TTC28: variants seen among roughly 807,000 people sequenced by gnomAD.
TTC28 encodes tetratricopeptide repeat domain 28.
A neutral mutation model predicts 198.0 loss-of-function variants in TTC28; 61 were observed. The ratio of observed to expected loss-of-function variants is 0.31; its 90% CI spans 0.25 to 0.38. TTC28 has a LOEUF of 0.38. Ranked by LOEUF, TTC28 falls within the 10% of genes least tolerant of loss-of-function variation. The pLI is 1.00. For synonymous variants in TTC28, 1,171 were observed against 1,297.8 expected, an observed-to-expected ratio of 0.90 and a Z score of 2.10; for missense variants, 2,678 against 3,164.0, an observed-to-expected ratio of 0.85 and a Z score of 3.69.
intron 5 of TTC28, among the ~76,000 whole-genome samples, chr22:28,166,675 G>T (rs1370378640): frequency 1.3e-5 from 2 of 152,202 alleles, no homozygotes; most frequent in Non-Finnish European, 2.9e-5. Context: ...TTAAAGCAGT[G>T]TGAAGAGGGA....
At chr22:28,431,665 T>G (rs570327245) in intron 2 of TTC28, among the ~76,000 whole-genome samples, 1 of 152,288 alleles carries the variant, frequency 6.6e-6, no homozygotes, top group South Asian at 2.1e-4. Flanking sequence ...TTTCATCTTG[T>G]TTCAATCAAT....
chr22:28,103,946 T>C (rs1261704923), intron 8 of TTC28, among the ~76,000 whole-genome samples: 1 of 152,182 alleles, frequency 6.6e-6, no homozygotes, highest in Non-Finnish European at 1.5e-5. Flanking sequence ...GAAGCCAACA[T>C]TCTCATTTAA....
intron 2 of TTC28, among the ~76,000 whole-genome samples, chr22:28,442,307 C>T (rs1292714798): frequency 1.3e-5 from 2 of 152,222 alleles, no homozygotes; most frequent in African/African-American, 2.4e-5. Context: ...TCAGGAGCCC[C>T]GCAGGCTGAA....
At chr22:28,349,655 A>G (rs1052723030) in intron 2 of TTC28, among the ~76,000 whole-genome samples, 2 of 152,216 alleles carry the variant, frequency 1.3e-5, no homozygotes, top group Admixed American at 6.5e-5. Flanking sequence ...TACACAAAAT[A>G]GAAATAATCC....
intron 2 of TTC28, among the ~76,000 whole-genome samples, chr22:28,327,251 CTAAT>C (rs2045547518): frequency 1.3e-5 from 2 of 152,050 alleles, no homozygotes. Flanking sequence ...GTACATTCAC[CTAAT>C]TATTAAAATG....
At chr22:28,639,719 TC>T (rs2051332415) in intron 1 of TTC28, among the ~76,000 whole-genome samples, 1 of 152,206 alleles carries the variant, frequency 6.6e-6, no homozygotes, top group East Asian at 1.9e-4. Flanking sequence ...TTGTGAGGAC[TC>T]CACAGCCAGG....
At chr22:28,158,177 A>C (rs1207002827) in intron 6 of TTC28, among the ~76,000 whole-genome samples, 1 of 152,174 alleles carries the variant, frequency 6.6e-6, no homozygotes, top group Non-Finnish European at 1.5e-5. Context: ...GCCATACATA[A>C]AATTAAATGC....
At chr22:28,024,212 G>A (rs1050609947) in intron 13 of TTC28, among the ~76,000 whole-genome samples, 3 of 152,100 alleles carry the variant, frequency 2.0e-5, no homozygotes, top group Non-Finnish European at 4.4e-5. Flanking sequence ...CTCCCTACCC[G>A]CAGATAAAGC....
intron 6 of TTC28, among the ~76,000 whole-genome samples, 160 bp from the exon 7 acceptor site, chr22:28,108,563 C>T (rs1308932684): frequency 6.6e-6 from 1 of 152,176 alleles, no homozygotes; most frequent in African/African-American, 2.4e-5. Context: ...CAGCTCTCCA[C>T]AGAGAGGATA....
intron 6 of TTC28, among the ~76,000 whole-genome samples, chr22:28,130,336 C>T (rs1197725710): frequency 6.6e-6 from 1 of 152,198 alleles, no homozygotes; most frequent in Non-Finnish European, 1.5e-5. Context: ...TCATTACAGT[C>T]TCTCGGGAGC....
At chr22:28,238,992 C>G (rs1239560662) in intron 5 of TTC28, among the ~76,000 whole-genome samples, 1 of 152,150 alleles carries the variant, frequency 6.6e-6, no homozygotes, top group East Asian at 1.9e-4. Flanking sequence ...ACGACATGAC[C>G]TGCAAAGTAT....
chr22:28,606,907 A>G (rs902825081), intron 2 of TTC28, among the ~76,000 whole-genome samples: 1 of 152,202 alleles, frequency 6.6e-6, no homozygotes, highest in Non-Finnish European at 1.5e-5. Flanking sequence ...TGGTGGTGAC[A>G]GGTAGCTACT....
In TTC28 at chr22:28,217,959, G is replaced by T. The variant is rs191767899; in HGVS notation, c.934-54360C>A. 3.4e-4 allele frequency among the ~76,000 whole-genome samples: 52 copies of T among 152,188 alleles called. No homozygotes were observed. In the East Asian group the frequency reaches 8.7e-3, roughly 25 times the overall value. Reference sequence around the variant, plus strand: ...GTTTTTGCTTAATAGAAGACAACTGGATTTTCTTATCTGCTTCTGCATTTA... The same window carrying T: ...GTTTTTGCTTAATAGAAGACAACTGTATTTTCTTATCTGCTTCTGCATTTA... On this transcript the variant is annotated intron_variant, in intron 5 of 22. Coordinates refer to ENST00000397906, the MANE Select transcript of TTC28 (RefSeq NM_001145418.2).
chr22:28,384,256 G>T (rs913081417), intron 2 of TTC28, among the ~76,000 whole-genome samples: 2 of 151,794 alleles, frequency 1.3e-5, no homozygotes, highest in African/African-American at 2.4e-5. Context: ...TTGTTAGTTG[G>T]TTTTTTGTTT....
chr22:28,093,967 C>T (rs1298612469), intron 12 of TTC28, 113 bp downstream of exon 12: 3 of 1,138,266 alleles, frequency 2.6e-6, no homozygotes, highest in South Asian at 1.7e-5. Flanking sequence ...ACAGACTGAG[C>T]GCAACTACAT....
chr22:27,998,511 C>T, intron 16 of TTC28, 29 bp downstream of exon 16: 1 of 1,533,060 alleles, frequency 6.5e-7, no homozygotes, highest in Non-Finnish European at 8.8e-7. Flanking sequence ...CAGGCCTTGA[C>T]AGGCACCCGC....
At chr22:28,522,767 G>A (rs191124441) in intron 2 of TTC28, among the ~76,000 whole-genome samples, 473 of 152,148 alleles carry the variant, frequency 3.1e-3, no homozygotes, top group Non-Finnish European at 5.1e-3. Flanking sequence ...AAAAAACCAG[G>A]TACAAAAGCC....
chr22:28,348,996 G>C (rs2045950107), intron 2 of TTC28, among the ~76,000 whole-genome samples: 1 of 152,110 alleles, frequency 6.6e-6, no homozygotes, highest in South Asian at 2.1e-4. Context: ...CACACACAGT[G>C]CCCTGACAAA....
intron 2 of TTC28, among the ~76,000 whole-genome samples, chr22:28,366,883 A>T (rs1386870392): frequency 6.6e-6 from 1 of 152,116 alleles, no homozygotes; most frequent in Non-Finnish European, 1.5e-5. Context: ...CACCAAGAGG[A>T]TATAACACGT....
Sources: allele counts gnomAD v4.1 joint callset (sites outside exome capture counted in the v4.1 genomes callset), GRCh38; gene constraint gnomAD v4.1.1; transcripts MANE v1.5; gene names NCBI Gene and HGNC (gene_info 2026-07-23, HGNC 2026-07-21).